HTRA3: variants seen among roughly 807,000 people sequenced by gnomAD.
HTRA3 encodes HtrA serine peptidase 3, also known as serine protease HTRA3.
Under a neutral mutation model 43.2 loss-of-function variants are expected in HTRA3, and 41 were observed. The ratio of observed to expected loss-of-function variants is 0.95; its 90% CI spans 0.74 to 1.23. The LOEUF (loss-of-function observed/expected upper bound fraction) is 1.23. Ranked by LOEUF, HTRA3 falls within the 50% of genes most tolerant of loss-of-function variation. The probability of loss-of-function intolerance (pLI) is 0.00; values close to 1 mark genes in which losing one functional copy is unlikely to be tolerated. For missense variants in HTRA3, 628 were observed against 647.1 expected (o/e 0.97, Z 0.32); for synonymous variants, 295 against 287.9 (o/e 1.02, Z -0.25).
At position 8,292,345 on chromosome 4, in the gene HTRA3, G is replaced by T. The variant is rs758378129; in HGVS notation, c.928G>T (p.Val310Leu). The T allele has an allele frequency of 1.1e-5, 18 of 1,613,086 alleles. No homozygotes were observed. The South Asian group carries it at 2.0e-4, about 18-fold the overall frequency. ...INYGNSGGPLVNLDGEVIGIN... is the reference protein window; with the variant it reads ...INYGNSGGPLLNLDGEVIGIN... ...GTACGGGAACTCCGGGGGACCACTG[G>T]TGAACCTGGTAAGTGTCCCCTAGAG... The change falls in exon 5 of 9, where the codon GTG becomes TTG. Residue 310 changes from valine (V) to leucine (L), a missense_variant. Physicochemically the swap from Val to Leu is conservative, Grantham distance 32 (BLOSUM62 1). Coordinates refer to ENST00000307358, the MANE Select transcript of HTRA3 (RefSeq NM_053044.5).
intron 1 of HTRA3, among the ~76,000 whole-genome samples, chr4:8,274,612 C>T (rs112425764): frequency 9.2e-5 from 14 of 152,368 alleles, no homozygotes; most frequent in African/African-American, 2.6e-4. Flanking sequence ...GGGGAACCCT[C>T]GCATCTTCTC....
intron 8 of HTRA3, among the ~76,000 whole-genome samples, chr4:8,304,996 T>A (rs1578810107): frequency 6.6e-6 from 1 of 152,118 alleles, no homozygotes; most frequent in Non-Finnish European, 1.5e-5. Flanking sequence ...AGTCTTCCAG[T>A]ACTAGAGAAA....
chr4:8,288,899 G>GTCCT (rs1199752377), intron 3 of HTRA3, among the ~76,000 whole-genome samples: 2,539 of 101,436 alleles, frequency 0.025, 38 homozygotes, highest in Middle Eastern at 0.034. Context: ...CCTTCCGTCC[G>GTCCT]TCCTTCCTTC....
intron 6 of HTRA3, among the ~76,000 whole-genome samples, chr4:8,298,922 T>C (rs1713550697): frequency 6.6e-6 from 1 of 152,236 alleles, no homozygotes; most frequent in African/African-American, 2.4e-5. Flanking sequence ...GTCCCCCGAC[T>C]TTATTCTTCC....
chr4:8,285,607 G>C (rs1712926376), intron 2 of HTRA3, among the ~76,000 whole-genome samples: 1 of 152,356 alleles, frequency 6.6e-6, no homozygotes, highest in African/African-American at 2.4e-5. Context: ...GGTCCCGAAG[G>C]TTCCCACCCT....
chr4:8,286,492 A>G lies in HTRA3; in HGVS notation c.486-69A>G. 7.8e-7 allele frequency: 1 copy of G among 1,280,170 alleles called. No individual in the cohort carries two copies. The highest frequency in any genetic ancestry group is 1.1e-6 in the Non-Finnish European group (1 of 887,346). 79.3% of individuals were successfully genotyped at this position (1,280,170 alleles called of 1,614,324 possible). Reference sequence around the variant, plus strand: ...GCTCTGCTCCTCGCTGACCAGCCCCACCACTGCGCCTGACTCCCCCGCGTC... The same window carrying G: ...GCTCTGCTCCTCGCTGACCAGCCCCGCCACTGCGCCTGACTCCCCCGCGTC... On this transcript the variant is annotated intron_variant, in intron 2 of 8. Transcript: ENST00000307358. The surrounding 1 kb of genome is among the most constrained non-coding windows in gnomAD (Gnocchi z 4.9).
Position 8,269,896 on chromosome 4 carries a change from C to T in HTRA3, c.-73C>T, listed in dbSNP as rs1712171212. 5 of 753,792 alleles carry T rather than the reference C, an allele frequency of 6.6e-6. No homozygotes were observed. Among genetic ancestry groups the T allele is most frequent in the Non-Finnish European group, 8.1e-6 (5 of 614,944 alleles). 46.7% of individuals were successfully genotyped at this position (753,792 alleles called of 1,614,324 possible). A position where few individuals can be genotyped will look rare whatever the true frequency, so the allele number is the denominator to read the frequency against. ...TCCGTAGGCGCCCGGCGCCCGGCCC[C>T]GCAGCGGCCTCGTTGTCCCCGCCGG... On this transcript the variant is annotated 5_prime_UTR_variant, in exon 1 of 9. Transcript: ENST00000307358.
At chr4:8,281,212 T>C (rs1194626591) in intron 1 of HTRA3, among the ~76,000 whole-genome samples, 2 of 152,206 alleles carry the variant, frequency 1.3e-5, no homozygotes, top group Non-Finnish European at 2.9e-5. Flanking sequence ...CACAGTGGCA[T>C]CCACCATGGT....
intron 2 of HTRA3, among the ~76,000 whole-genome samples, 197 bp downstream of exon 2, chr4:8,282,733 G>A (rs377056859): frequency 3.2e-4 from 49 of 152,322 alleles, no homozygotes; most frequent in East Asian, 3.1e-3. Context: ...AAGTGACTCC[G>A]CACCTGCTGG....
Position 8,296,161 on chromosome 4 carries a change from C to G in HTRA3, c.1051+1960C>G, listed in dbSNP as rs1459690271. On this transcript the variant is annotated intron_variant, in intron 6 of 8. Transcript: ENST00000307358. This position sits in a 1 kb window ranked among gnomAD's most constrained non-coding sequence, Gnocchi z 5.3. ...CACACTGAGCTGTGAGGTGGCTTTC[C>G]TTGGAAGTGGATGATAGTGTCCTCT... is the stretch of plus-strand genomic sequence containing the variant. 4.0e-6 allele frequency: 4 copies of G among 989,514 alleles called. No individual in the cohort carries two copies. The highest frequency in any genetic ancestry group is 4.8e-6 in the Non-Finnish European group (4 of 832,798). The allele number at this position is 989,514 out of a possible 1,614,324, so 61.3% of individuals were successfully genotyped here.
In HTRA3 at chr4:8,300,328, A is replaced by G. The variant is rs1263033369; in HGVS notation, c.1052-2135A>G. The stretch of plus-strand genomic sequence containing the variant: ...AATTAGTACTATTTCTTCCTTAAAC[A>G]TCTGGTGGAATTCTCCAGTGAGATC... On this transcript the variant is annotated intron_variant, in intron 6 of 8. Transcript: ENST00000307358. 2.6e-5 allele frequency among the ~76,000 whole-genome samples: 4 copies of G among 152,182 alleles called. No homozygotes were observed. In the East Asian group the frequency reaches 7.7e-4, roughly 29 times the overall value.
rs377082745 is a variant in HTRA3, at chr4:8,283,008, G to A, written c.485+472G>A. On this transcript the variant is annotated intron_variant, in intron 2 of 8. Coordinates refer to ENST00000307358, the MANE Select transcript of HTRA3 (RefSeq NM_053044.5). The stretch of plus-strand genomic sequence containing the variant: ...AAGCTAAGCCTGAAGTAGGCACCCC[G>A]GGAGCTGGGCCAGTGGATGCAGGGC... Among the ~76,000 whole-genome samples the A allele has an allele frequency of 9.1e-4, 139 of 152,300 alleles. 2 individuals carry two copies. The highest frequency in any genetic ancestry group is 3.1e-3 in the African/African-American group (127 of 41,570).
Position 8,292,323 on chromosome 4 carries a change from C to T in HTRA3, c.906C>T (p.Tyr302=), listed in dbSNP as rs367887152. The change falls in exon 5 of 9, where the codon TAC becomes TAT. Residue 302 remains tyrosine, a splice_region_variant and synonymous_variant. Coordinates refer to ENST00000307358, the MANE Select transcript of HTRA3 (RefSeq NM_053044.5). ...AATGCTGTTTCCTCCCCTTGCAGTA[C>T]GGGAACTCCGGGGGACCACTGGTGA... ...DYIQTDAIIN[Y]GNSGGPLVNL... is the part of the protein sequence containing the mutation. 66 of 1,612,894 alleles carry T rather than the reference C, an allele frequency of 4.1e-5. No homozygotes were observed. Among genetic ancestry groups the T allele is most frequent in the Non-Finnish European group, 5.1e-5 (60 of 1,179,574 alleles).
rs986652444 is a variant in HTRA3, at chr4:8,286,839, T to C, written c.708+56T>C. ...ACCTGGGGCTGGGCATGGTGGCCTC[T>C]TCCCAGACGCCGGAACCCAGAGGCA... On this transcript the variant is annotated intron_variant, in intron 3 of 8. Coordinates refer to ENST00000307358, the MANE Select transcript of HTRA3 (RefSeq NM_053044.5). This position sits in a 1 kb window ranked among gnomAD's most constrained non-coding sequence, Gnocchi z 4.9. 31 of 1,378,506 alleles carry C rather than the reference T, an allele frequency of 2.2e-5. No individual in the cohort carries two copies. The highest frequency in any genetic ancestry group is 1.9e-4 in the Admixed American group (10 of 52,198). The allele number at this position is 1,378,506 out of a possible 1,614,324, so 85.4% of individuals were successfully genotyped here. A position where few individuals can be genotyped will look rare whatever the true frequency, so the allele number is the denominator to read the frequency against.
At chr4:8,274,217 G>A (rs960573650) in intron 1 of HTRA3, among the ~76,000 whole-genome samples, 1 of 152,148 alleles carries the variant, frequency 6.6e-6, no homozygotes, top group African/African-American at 2.4e-5. Flanking sequence ...TTCCCACCTC[G>A]AGGCCTTTGC....
intron 7 of HTRA3, among the ~76,000 whole-genome samples, chr4:8,302,969 C>T (rs1270145357): frequency 6.6e-6 from 1 of 152,232 alleles, no homozygotes; most frequent in Non-Finnish European, 1.5e-5. Context: ...GACCTTCTTT[C>T]TCTCTGAGTA....
chr4:8,305,194 G>A (rs567639210), intron 8 of HTRA3, among the ~76,000 whole-genome samples: 1 of 152,360 alleles, frequency 6.6e-6, no homozygotes, highest in South Asian at 2.1e-4. Context: ...TGTTGTTCAA[G>A]GGCCGACTGT....
intron 7 of HTRA3, among the ~76,000 whole-genome samples, chr4:8,303,750 T>C (rs368820400): frequency 3.9e-4 from 60 of 152,170 alleles, no homozygotes; most frequent in African/African-American, 1.1e-3. Flanking sequence ...CATTGTCTGT[T>C]CATTCCATGA....
chr4:8,271,867 G>A (rs1338122749), intron 1 of HTRA3, among the ~76,000 whole-genome samples: 1 of 152,194 alleles, frequency 6.6e-6, no homozygotes, highest in African/African-American at 2.4e-5. Flanking sequence ...TGTTTTGGAG[G>A]GAACATGTTC....
Sources: gnomAD v4.1 joint callset for allele counts (sites outside exome capture counted in the v4.1 genomes callset) on GRCh38, gnomAD v4.1.1 for gene constraint, Gnocchi (gnomAD v3.1) non-coding constraint, MANE v1.5 for transcripts, NCBI Gene and HGNC (gene_info 2026-07-23, HGNC 2026-07-21) for gene names.